The following IL1RAPL2 variants were observed in gnomAD, a reference collection of about 807,000 sequenced individuals.
IL1RAPL2 encodes X-linked interleukin-1 receptor accessory protein-like 2.
A neutral mutation model predicts 44.1 loss-of-function variants in IL1RAPL2; 3 were observed. The observed-to-expected ratio is 0.07, with a 90% CI of 0.03 to 0.18. The LOEUF (loss-of-function observed/expected upper bound fraction) is 0.18, where lower values mean the gene tolerates loss of function less well. Among genes scored for constraint, IL1RAPL2 ranks in the 10% least tolerant of loss-of-function variants. The probability of loss-of-function intolerance (pLI) is 1.00; values close to 1 mark genes in which losing one functional copy is unlikely to be tolerated. For missense variants in IL1RAPL2, 391 were observed against 496.4 expected, an observed-to-expected ratio of 0.79 and a Z score of 2.02; for synonymous variants, 181 against 178.8, an observed-to-expected ratio of 1.01 and a Z score of -0.10.
In IL1RAPL2 at chrX:105,094,426, A is replaced by C. The variant is rs186142321; in HGVS notation, c.83-101049A>C. On this transcript the variant is annotated intron_variant, in intron 2 of 10. Transcript: ENST00000372582. ...AAGATGTATATGTATAAAAATATAT[A>C]CATACATTGAAAAAATTCTTTCCTT... 2.9e-3 allele frequency among the ~76,000 whole-genome samples: 322 copies of C among 112,010 alleles called. 2 individuals carry two copies. Among genetic ancestry groups the C allele is most frequent in the African/African-American group, 9.8e-3 (304 of 30,873 alleles).
intron 3 of IL1RAPL2, among the ~76,000 whole-genome samples, chrX:105,204,156 T>G (rs1317951610): frequency 1.8e-5 from 2 of 110,163 alleles, no homozygotes; most frequent in African/African-American, 6.6e-5. Flanking sequence ...CAAGATAGAT[T>G]AAAGGAAACC....
chrX:104,872,879 T>C (rs772906957), intron 2 of IL1RAPL2, among the ~76,000 whole-genome samples: 10 of 111,048 alleles, frequency 9.0e-5, no homozygotes, highest in African/African-American at 2.9e-4. Flanking sequence ...AAATAAAAAG[T>C]ATAAAATACA....
intron 2 of IL1RAPL2, among the ~76,000 whole-genome samples, chrX:105,095,215 T>C (rs2032590513): frequency 9.0e-6 from 1 of 111,313 alleles, no homozygotes; most frequent in Non-Finnish European, 1.9e-5. Flanking sequence ...TGAATAGAAG[T>C]GAGGAGAGTA....
At chrX:105,684,794 C>T (rs1201585176) in intron 6 of IL1RAPL2, among the ~76,000 whole-genome samples, 2 of 39,068 alleles carry the variant, frequency 5.1e-5, no homozygotes, top group African/African-American at 2.1e-4. Context: ...TGACAGACAC[C>T]TCATATAGGC....
chrX:105,177,909 G>T (rs1239823690), intron 2 of IL1RAPL2, among the ~76,000 whole-genome samples: 2 of 111,314 alleles, frequency 1.8e-5, no homozygotes, highest in Admixed American at 9.6e-5. Context: ...TATATGCATA[G>T]GCTGTGTAAT....
chrX:105,442,311 G>T (rs931871777), intron 5 of IL1RAPL2, among the ~76,000 whole-genome samples: 2 of 110,575 alleles, frequency 1.8e-5, no homozygotes, highest in African/African-American at 6.6e-5. Context: ...TGATCCACCC[G>T]CCTCAGCCTC....
At chrX:105,758,409 A>ATCTC (rs59823277) in intron 10 of IL1RAPL2, among the ~76,000 whole-genome samples, 7,343 of 102,294 alleles carry the variant, frequency 0.072, 745 homozygotes, top group African/African-American at 0.25. Context: ...GTACATGAAA[A>ATCTC]TCTCTCTCTC....
At chrX:105,629,186 A>G (rs745568458) in intron 6 of IL1RAPL2, among the ~76,000 whole-genome samples, 14 of 111,325 alleles carry the variant, frequency 1.3e-4, no homozygotes, top group Non-Finnish European at 2.3e-4. Context: ...TCTTGATGAG[A>G]CTAACCAGTG....
At chrX:104,718,873 A>C (rs1308160350) in intron 2 of IL1RAPL2, among the ~76,000 whole-genome samples, 1 of 111,928 alleles carries the variant, frequency 8.9e-6, no homozygotes, top group East Asian at 2.8e-4. Context: ...TAGGCCATAC[A>C]GTCTCTGTGA....
chrX:105,524,837 A>G (rs1222269142), intron 6 of IL1RAPL2, among the ~76,000 whole-genome samples: 1 of 110,778 alleles, frequency 9.0e-6, no homozygotes, highest in African/African-American at 3.3e-5. Flanking sequence ...CTTACCTTCT[A>G]TGAATGTCAG....
At chrX:104,672,704 G>C (rs1417738656) in intron 2 of IL1RAPL2, among the ~76,000 whole-genome samples, 10 of 103,043 alleles carry the variant, frequency 9.7e-5, no homozygotes, top group South Asian at 4.6e-4. Flanking sequence ...CTAGTTTACA[G>C]TCCCACCAAC....
At chrX:104,983,354 A>AT (rs1156464897) in intron 2 of IL1RAPL2, among the ~76,000 whole-genome samples, 9 of 102,332 alleles carry the variant, frequency 8.8e-5, no homozygotes, top group African/African-American at 3.2e-4. Flanking sequence ...ATATATATAT[A>AT]AAATATTTGC....
chrX:104,876,989 T>C (rs759698359), intron 2 of IL1RAPL2, among the ~76,000 whole-genome samples: 2 of 110,538 alleles, frequency 1.8e-5, no homozygotes, highest in South Asian at 7.8e-4. Flanking sequence ...GTTTGGTTTT[T>C]TGTTCTTGCG....
intron 6 of IL1RAPL2, among the ~76,000 whole-genome samples, chrX:105,541,540 T>C (rs1280020788): frequency 3.6e-5 from 4 of 111,099 alleles, no homozygotes; most frequent in African/African-American, 1.3e-4. Context: ...TTGGGGCAGA[T>C]TGTAGAGAGC....
chrX:105,212,154 C>G (rs782054148), intron 3 of IL1RAPL2, among the ~76,000 whole-genome samples: 1 of 112,128 alleles, frequency 8.9e-6, no homozygotes, highest in East Asian at 2.8e-4. Flanking sequence ...AGCCAGGGAG[C>G]CAAGTGGTCT....
At chrX:105,393,077 G>A (rs2035538420) in intron 5 of IL1RAPL2, among the ~76,000 whole-genome samples, 1 of 112,523 alleles carries the variant, frequency 8.9e-6, no homozygotes, top group Admixed American at 9.4e-5. Context: ...AAGTTTAATT[G>A]ACACAAGGCT....
intron 2 of IL1RAPL2, among the ~76,000 whole-genome samples, chrX:104,738,706 G>A (rs1242811097): frequency 2.7e-5 from 3 of 111,762 alleles, no homozygotes; most frequent in Non-Finnish European, 5.6e-5. Flanking sequence ...TTGGGAGGCT[G>A]AGGTGGGAGG....
At chrX:104,702,030 G>T (rs947167735) in intron 2 of IL1RAPL2, among the ~76,000 whole-genome samples, 2 of 111,150 alleles carry the variant, frequency 1.8e-5, no homozygotes, top group African/African-American at 6.5e-5. Context: ...ATCTTATTCT[G>T]TCTATAAATT....
At chrX:105,414,769 T>TG (rs2035721326) in intron 5 of IL1RAPL2, among the ~76,000 whole-genome samples, 1 of 112,475 alleles carries the variant, frequency 8.9e-6, no homozygotes, top group African/African-American at 3.2e-5. Context: ...CATGCTGTTA[T>TG]TTTTGTTAAT....
Sources: gnomAD v4.1 joint callset for allele counts (sites outside exome capture counted in the v4.1 genomes callset) on GRCh38, gnomAD v4.1.1 for gene constraint, MANE v1.5 for transcripts, NCBI Gene and HGNC (gene_info 2026-07-23, HGNC 2026-07-21) for gene names.